The following PARD3 variants were observed in gnomAD, a reference collection of about 807,000 sequenced individuals.
The protein encoded by PARD3 is partitioning defective 3 homolog.
Under a neutral mutation model 155.4 loss-of-function variants are expected in PARD3, and 75 were observed. The observed-to-expected ratio is 0.48, with a 90% CI of 0.40 to 0.58. The LOEUF is 0.58. Among genes scored for constraint, PARD3 ranks in the 20% least tolerant of loss-of-function variants. The pLI is 0.00. For missense variants in PARD3, 1,642 were observed against 1,721.7 expected (o/e 0.95, Z 0.82); for synonymous variants, 576 against 610.5 (o/e 0.94, Z 0.83).
intron 14 of PARD3, among the ~76,000 whole-genome samples, chr10:34,358,472 G>A (rs1437147065): frequency 6.6e-6 from 1 of 152,130 alleles, no homozygotes; most frequent in Non-Finnish European, 1.5e-5. Context: ...AATGGGGACT[G>A]AGGAAAGAGA....
intron 2 of PARD3, among the ~76,000 whole-genome samples, chr10:34,577,099 A>C (rs566130042): frequency 6.6e-6 from 1 of 152,338 alleles, no homozygotes; most frequent in East Asian, 1.9e-4. Flanking sequence ...AATACTAATG[A>C]CTAGGCAAAG....
At chr10:34,164,388 G>A (rs1949425491) in intron 22 of PARD3, among the ~76,000 whole-genome samples, 1 of 152,112 alleles carries the variant, frequency 6.6e-6, no homozygotes, top group African/African-American at 2.4e-5. Context: ...TAATCTCCAG[G>A]AATTAATCAA....
chr10:34,212,131 G>T (rs1174337048), intron 22 of PARD3, among the ~76,000 whole-genome samples: 1 of 150,494 alleles, frequency 6.6e-6, no homozygotes, highest in Non-Finnish European at 1.5e-5. Context: ...TGCTCAAATC[G>T]CTATTATCCT....
In PARD3 at chr10:34,483,938, T is replaced by C. The variant is rs182177840; in HGVS notation, c.404-13675A>G. 6.9e-4 allele frequency among the ~76,000 whole-genome samples: 105 copies of C among 152,302 alleles called. 1 individual carries two copies. In the South Asian group the frequency reaches 7.9e-3, roughly 11 times the overall value. ...ATATATTGCTGATTAAACTCACGGC[T>C]AACAGGACTATAACTCATACCTGAA... On this transcript the variant is annotated intron_variant, in intron 3 of 24. Transcript: ENST00000374788.
At chr10:34,726,776 G>C (rs1233060731) in intron 1 of PARD3, among the ~76,000 whole-genome samples, 1 of 151,898 alleles carries the variant, frequency 6.6e-6, no homozygotes, top group Non-Finnish European at 1.5e-5. Context: ...AAAAAAAAGT[G>C]GGGGGAGGCG....
chr10:34,674,478 A>ATTTTTTTT (rs11402018), intron 2 of PARD3, among the ~76,000 whole-genome samples: 3 of 79,528 alleles, frequency 3.8e-5, no homozygotes, highest in Non-Finnish European at 2.3e-5. Flanking sequence ...CACGCTCTTG[A>ATTTTTTTT]TTTTTTTTTT....
At position 34,231,357 on chromosome 10, in the gene PARD3, T is replaced by G. The variant is rs941590679; in HGVS notation, c.3419+38300A>C. ...ACTATATTACTTCCAGAAGTCACAC[T>G]ACTGGAAATATATTAGTTACCTCTG... is the stretch of plus-strand genomic sequence containing the variant. On this transcript the variant is annotated intron_variant, in intron 22 of 24. Coordinates refer to ENST00000374788, the MANE Select transcript of PARD3 (RefSeq NM_001184785.2). Among the ~76,000 whole-genome samples, 3 of 146,390 alleles carry G rather than the reference T, an allele frequency of 2.0e-5. 1 individual carries two copies. Among genetic ancestry groups the G allele is most frequent in the Non-Finnish European group, 3.0e-5 (2 of 66,566 alleles).
At chr10:34,347,872 C>T in intron 15 of PARD3, 93 bp downstream of exon 15, 1 of 878,448 alleles carries the variant, frequency 1.1e-6, no homozygotes. Context: ...TAATATTACA[C>T]TAATAGTACA....
intron 2 of PARD3, among the ~76,000 whole-genome samples, chr10:34,584,892 C>T (rs1448524642): frequency 4.6e-5 from 7 of 152,076 alleles, no homozygotes; most frequent in Non-Finnish European, 4.4e-5. Flanking sequence ...CTCTCTTGTT[C>T]CTAGGGATTT....
intron 3 of PARD3, among the ~76,000 whole-genome samples, chr10:34,470,890 C>CA (rs1388440897): frequency 6.6e-6 from 1 of 151,802 alleles, no homozygotes; most frequent in Non-Finnish European, 1.5e-5. Flanking sequence ...GTTTCCAATA[C>CA]AAAAAAAGAT....
At chr10:34,695,692 C>T (rs1181236288) in intron 2 of PARD3, among the ~76,000 whole-genome samples, 1 of 152,088 alleles carries the variant, frequency 6.6e-6, no homozygotes, top group East Asian at 1.9e-4. Flanking sequence ...ACAGTAAAGA[C>T]TGGGGAAGCA....
chr10:34,235,250 T>C (rs540692509), intron 22 of PARD3, among the ~76,000 whole-genome samples: 4 of 152,214 alleles, frequency 2.6e-5, no homozygotes, highest in Non-Finnish European at 5.9e-5. Context: ...ATTACTAGGT[T>C]GAAATTCCCA....
intron 16 of PARD3, among the ~76,000 whole-genome samples, chr10:34,341,408 A>G (rs1321004356): frequency 6.6e-6 from 1 of 152,204 alleles, no homozygotes; most frequent in Admixed American, 6.5e-5. Context: ...TAGTTTTGTC[A>G]TTGTTTTGGT....
chr10:34,582,263 C>CA (rs2134267122), intron 2 of PARD3, among the ~76,000 whole-genome samples: 1 of 152,294 alleles, frequency 6.6e-6, no homozygotes, highest in East Asian at 1.9e-4. Context: ...GATGAGCTGG[C>CA]ATTTTGCCCA....
At chr10:34,483,539 G>T (rs1389511296) in intron 3 of PARD3, among the ~76,000 whole-genome samples, 1 of 151,244 alleles carries the variant, frequency 6.6e-6, no homozygotes, top group African/African-American at 2.4e-5. Flanking sequence ...GGAAGCTTAT[G>T]CTATTGTTAT....
At chr10:34,304,809 T>C (rs1251545439) in intron 20 of PARD3, among the ~76,000 whole-genome samples, 1 of 152,228 alleles carries the variant, frequency 6.6e-6, no homozygotes. Context: ...TGTCCACCAG[T>C]ATCAACATGC....
At position 34,110,006 on chromosome 10, in the gene PARD3, A is replaced by C. The variant is rs1162347793; in HGVS notation, c.*1163T>G. On this transcript the variant is annotated 3_prime_UTR_variant, in exon 25 of 25. Transcript: ENST00000374788. ...GGAGCCACCGAGATCCCCGAGACCC[A>C]CACACACACTCTAATACTGACGCGA... 7 of 151,844 alleles carry C rather than the reference A, an allele frequency of 4.6e-5. No homozygotes were observed. Among genetic ancestry groups the C allele is most frequent in the Non-Finnish European group, 7.4e-5 (5 of 67,998 alleles). 9.4% of individuals were successfully genotyped at this position (151,844 alleles called of 1,614,324 possible).
chr10:34,512,468 G>T (rs2081459285), intron 3 of PARD3, among the ~76,000 whole-genome samples: 1 of 152,112 alleles, frequency 6.6e-6, no homozygotes, highest in Non-Finnish European at 1.5e-5. Context: ...TTTCATAACT[G>T]CCCTATTTTC....
chr10:34,537,362 TA>T (rs1229373244), intron 2 of PARD3, among the ~76,000 whole-genome samples: 1 of 152,096 alleles, frequency 6.6e-6, no homozygotes, highest in Admixed American at 6.5e-5. Context: ...ATATTCTGGG[TA>T]AAGAAAATTA....
Sources: allele counts gnomAD v4.1 joint callset (sites outside exome capture counted in the v4.1 genomes callset), GRCh38; gene constraint gnomAD v4.1.1; transcripts MANE v1.5; gene names NCBI Gene and HGNC (gene_info 2026-07-23, HGNC 2026-07-21).